EYS: variants seen among roughly 807,000 people sequenced by gnomAD.
EYS encodes the protein protein eyes shut homolog.
A neutral mutation model predicts 282.1 loss-of-function variants in EYS; 250 were observed. The observed-to-expected ratio is 0.89, with a 90% CI of 0.80 to 0.98. The LOEUF is 0.98. Among genes scored for constraint, EYS ranks in the 50% least tolerant of loss-of-function variants. The pLI is 0.00. For missense variants in EYS, 4,016 were observed against 3,709.0 expected, an observed-to-expected ratio of 1.08 and a Z score of -2.15; for synonymous variants, 1,355 against 1,282.9, an observed-to-expected ratio of 1.06 and a Z score of -1.20.
chr6:63,933,063 C>T (rs543426644), intron 35 of EYS, among the ~76,000 whole-genome samples: 2 of 152,278 alleles, frequency 1.3e-5, no homozygotes, highest in South Asian at 4.1e-4. Context: ...TACAGATGAA[C>T]AGCCAGATGG....
chr6:65,232,060 G>T (rs904704502), intron 12 of EYS, among the ~76,000 whole-genome samples: 2 of 151,878 alleles, frequency 1.3e-5, no homozygotes, highest in African/African-American at 2.4e-5. Flanking sequence ...CACTATGTAA[G>T]TAAAAAAGCA....
intron 12 of EYS, among the ~76,000 whole-genome samples, chr6:65,145,212 A>G (rs1418009321): frequency 3.9e-5 from 6 of 152,186 alleles, no homozygotes; most frequent in Non-Finnish European, 8.8e-5. Context: ...GTCCACTACT[A>G]CTAATTTATT....
chr6:64,632,252 T>C (rs1180769464), intron 22 of EYS, among the ~76,000 whole-genome samples: 2 of 151,972 alleles, frequency 1.3e-5, no homozygotes, highest in Non-Finnish European at 2.9e-5. Flanking sequence ...GTGATTTATC[T>C]TCTTTTTTAA....
At position 65,300,309 on chromosome 6, in the gene EYS, C is replaced by G. The variant is rs1768782280; in HGVS notation, c.1767-4190G>C. ...GTCTTCTGGTTTGGATCCTCAGTTT[C>G]CTAAATTCCTCATCTTTTCCTTACT... is the stretch of plus-strand genomic sequence containing the variant. On this transcript the variant is annotated intron_variant, in intron 11 of 42. Coordinates refer to ENST00000503581, the MANE Select transcript of EYS (RefSeq NM_001142800.2). Among the ~76,000 whole-genome samples, 3 of 152,224 alleles carry G rather than the reference C, an allele frequency of 2.0e-5. No homozygotes were observed. In the East Asian group the frequency reaches 5.8e-4, roughly 29 times the overall value.
chr6:65,330,795 C>T (rs1395096790), intron 11 of EYS: 23 of 962,060 alleles, frequency 2.4e-5, no homozygotes, highest in Middle Eastern at 5.3e-4. Flanking sequence ...TCATTTATAT[C>T]GTCATTTTAC....
intron 22 of EYS, among the ~76,000 whole-genome samples, chr6:64,749,343 A>C (rs1355510059): frequency 7.2e-5 from 11 of 152,202 alleles, no homozygotes; most frequent in Admixed American, 2.0e-4. Context: ...TTGTTACAAC[A>C]CTCAGAATTT....
intron 15 of EYS, among the ~76,000 whole-genome samples, chr6:64,920,479 G>GT (rs1768307733): frequency 6.6e-6 from 1 of 152,096 alleles, no homozygotes; most frequent in African/African-American, 2.4e-5. Flanking sequence ...TTCTGAGCAA[G>GT]TAAGTATTAC....
intron 22 of EYS, among the ~76,000 whole-genome samples, chr6:64,654,782 A>G (rs934071146): frequency 6.6e-6 from 1 of 152,172 alleles, no homozygotes; most frequent in East Asian, 1.9e-4. Context: ...CCAAATGGCC[A>G]CTTCTGTCAC....
In EYS at chr6:65,371,735, CTCTCTCTGTGTGTGTGTG is replaced by C. The variant is rs1337510130; in HGVS notation, c.1299+12633_1299+12650del. Among the ~76,000 whole-genome samples, 166 of 47,942 alleles carry C rather than the reference CTCTCTCTGTGTGTGTGTG, an allele frequency of 3.5e-3. 2 individuals are homozygous for C. Among genetic ancestry groups the C allele is most frequent in the African/African-American group, 0.011 (163 of 15,386 alleles). 31.5% of individuals were successfully genotyped at this position (47,942 alleles called of 152,430 possible). A position where few individuals can be genotyped will look rare whatever the true frequency, so the allele number is the denominator to read the frequency against. ...TCTCTCTCTCTCTCTCTCTCTCTCT[CTCTCTCTGTGTGTGTGTG>C]TGTGTGTGTGTGTGTGTGTGTGTGT... is the stretch of plus-strand genomic sequence containing the variant. On this transcript the variant is annotated intron_variant, in intron 8 of 42. Transcript: ENST00000503581.
At chr6:64,931,872 G>A (rs1768737407) in intron 15 of EYS, among the ~76,000 whole-genome samples, 1 of 152,000 alleles carries the variant, frequency 6.6e-6, no homozygotes, top group Admixed American at 6.6e-5. Context: ...AGACACTGCA[G>A]ACACTGTGAT....
intron 26 of EYS, among the ~76,000 whole-genome samples, chr6:64,484,954 T>C (rs1020187540): frequency 6.6e-6 from 1 of 151,600 alleles, no homozygotes; most frequent in African/African-American, 2.4e-5. Context: ...ATAAGAGGTA[T>C]CCACTAGATA....
At chr6:63,819,579 T>C (rs1771267742) in intron 36 of EYS, among the ~76,000 whole-genome samples, 1 of 152,202 alleles carries the variant, frequency 6.6e-6, no homozygotes, top group African/African-American at 2.4e-5. Flanking sequence ...ACCCTGAAGG[T>C]TGGCCCAGTT....
intron 26 of EYS, among the ~76,000 whole-genome samples, chr6:64,542,485 GA>G (rs1255802351): frequency 6.6e-6 from 1 of 152,068 alleles, no homozygotes; most frequent in Non-Finnish European, 1.5e-5. Flanking sequence ...GGATAGAGGA[GA>G]CATATAGTTT....
chr6:63,835,335 C>CTA lies in EYS; in HGVS notation c.7228+28850_7228+28851insTA, dbSNP rs202213150. On this transcript the variant is annotated intron_variant, in intron 36 of 42. Transcript: ENST00000503581. ...CTCTATATATACATATATACTCTCT[C>CTA]TCTATATATATATACACACACACAC... 2.0e-4 allele frequency among the ~76,000 whole-genome samples: 30 copies of CTA among 148,994 alleles called. No homozygotes were observed. In the East Asian group the frequency reaches 2.7e-3, roughly 14 times the overall value.
rs540823373 is a variant in EYS, at chr6:64,617,674, A to G, written c.3569-141T>C. On this transcript the variant is annotated intron_variant, in intron 23 of 42. Coordinates refer to ENST00000503581, the MANE Select transcript of EYS (RefSeq NM_001142800.2). Reference sequence around the variant, plus strand: ...GTACAAATTACCTCAGTGTATCTTCATGATCAGTTTATCAGGTAGCTCTTA... The same window carrying G: ...GTACAAATTACCTCAGTGTATCTTCGTGATCAGTTTATCAGGTAGCTCTTA... 27 of 628,452 alleles carry G rather than the reference A, an allele frequency of 4.3e-5. No individual in the cohort carries two copies. In the South Asian group the frequency reaches 4.7e-4, roughly 11 times the overall value. 38.9% of individuals were successfully genotyped at this position (628,452 alleles called of 1,614,324 possible).
intron 31 of EYS, among the ~76,000 whole-genome samples, chr6:64,127,716 A>G (rs1773831233): frequency 6.6e-6 from 1 of 152,170 alleles, no homozygotes; most frequent in South Asian, 2.1e-4. Flanking sequence ...ACTAAAAAAC[A>G]AATGTATCTG....
At chr6:63,953,064 A>C (rs1002785625) in intron 35 of EYS, among the ~76,000 whole-genome samples, 7 of 152,128 alleles carry the variant, frequency 4.6e-5, no homozygotes, top group Non-Finnish European at 8.8e-5. Context: ...TGTGGTGCCC[A>C]ACCCATACAC....
At chr6:64,441,468 G>T (rs1405596595) in intron 26 of EYS, among the ~76,000 whole-genome samples, 1 of 152,164 alleles carries the variant, frequency 6.6e-6, no homozygotes, top group South Asian at 2.1e-4. Context: ...ATGATACATG[G>T]CTCCACTAGT....
intron 39 of EYS, 137 bp from the exon 40 acceptor site, chr6:63,778,317 A>G: frequency 6.5e-6 from 6 of 923,622 alleles, no homozygotes; most frequent in Non-Finnish European, 9.7e-6. Context: ...AAATATAAGA[A>G]TACAGAAATG....
Sources: gnomAD v4.1 joint callset for allele counts (sites outside exome capture counted in the v4.1 genomes callset) on GRCh38, gnomAD v4.1.1 for gene constraint, MANE v1.5 for transcripts, NCBI Gene and HGNC (gene_info 2026-07-23, HGNC 2026-07-21) for gene names.